SPON1: variants seen among roughly 807,000 people sequenced by gnomAD.
The protein encoded by SPON1 is spondin 1, also known as spondin-1.
In SPON1, 52 loss-of-function variants were observed where a neutral mutation model predicts 111.7. The ratio of observed to expected loss-of-function variants is 0.47; its 90% CI spans 0.37 to 0.59. SPON1 has a LOEUF of 0.59. Among genes scored for constraint, SPON1 ranks in the 20% least tolerant of loss-of-function variants. The pLI, the probability that SPON1 is intolerant of heterozygous loss-of-function variation, is 0.00. For synonymous variants in SPON1, 410 were observed against 395.8 expected, an observed-to-expected ratio of 1.04 and a Z score of -0.43; for missense variants, 957 against 1,068.5, an observed-to-expected ratio of 0.90 and a Z score of 1.46.
intron 6 of SPON1, among the ~76,000 whole-genome samples, chr11:14,186,620 A>G (rs1848288647): frequency 6.6e-6 from 1 of 152,202 alleles, no homozygotes; most frequent in South Asian, 2.1e-4. Flanking sequence ...CCATTTATCC[A>G]ACACTCACTC....
At chr11:13,974,145 C>G (rs1248800326) in intron 1 of SPON1, among the ~76,000 whole-genome samples, 5 of 152,208 alleles carry the variant, frequency 3.3e-5, no homozygotes, top group African/African-American at 4.8e-5. Context: ...ATATGAGTTG[C>G]AGCTCCTCAG....
At chr11:14,032,216 T>C (rs966946771) in intron 2 of SPON1, among the ~76,000 whole-genome samples, 1 of 152,222 alleles carries the variant, frequency 6.6e-6, no homozygotes, top group African/African-American at 2.4e-5. Flanking sequence ...GAATTACATT[T>C]TTATATGTAT....
At chr11:14,249,541 C>G (rs557922463) in intron 7 of SPON1, among the ~76,000 whole-genome samples, 1 of 152,110 alleles carries the variant, frequency 6.6e-6, no homozygotes, top group African/African-American at 2.4e-5. Context: ...CTCTCGTGGC[C>G]AAATTGAGTT....
intron 6 of SPON1, among the ~76,000 whole-genome samples, chr11:14,147,249 G>A (rs1847732337): frequency 6.6e-6 from 1 of 151,586 alleles, no homozygotes; most frequent in Non-Finnish European, 1.5e-5. Context: ...GGTCAGGCTG[G>A]TCTCAAACTC....
At chr11:14,141,397 G>A (rs1847654711) in intron 6 of SPON1, among the ~76,000 whole-genome samples, 1 of 152,160 alleles carries the variant, frequency 6.6e-6, no homozygotes, top group Admixed American at 6.5e-5. Flanking sequence ...AATGGTTCTT[G>A]CATAAAACTC....
chr11:13,985,035 T>C (rs1848171826), intron 2 of SPON1, among the ~76,000 whole-genome samples: 1 of 152,148 alleles, frequency 6.6e-6, no homozygotes, highest in Non-Finnish European at 1.5e-5. Context: ...CCTGGGAACT[T>C]GTTAGAAATG....
chr11:14,013,111 A>T (rs1364212806), intron 2 of SPON1, among the ~76,000 whole-genome samples: 1 of 152,178 alleles, frequency 6.6e-6, no homozygotes. Context: ...TGAACCTAGG[A>T]TGTTGCTTCT....
intron 7 of SPON1, among the ~76,000 whole-genome samples, chr11:14,246,981 A>G (rs188487748): frequency 5.8e-4 from 89 of 152,332 alleles, no homozygotes; most frequent in African/African-American, 2.0e-3. Context: ...AAGGCCCTGT[A>G]TGAGGAGGGA....
intron 6 of SPON1, among the ~76,000 whole-genome samples, chr11:14,188,159 C>T (rs949624822): frequency 1.3e-5 from 2 of 152,122 alleles, no homozygotes; most frequent in East Asian, 3.9e-4. Context: ...CCACCCACCT[C>T]AGTATCCCAA....
Position 14,156,472 on chromosome 11 carries a change from T to C in SPON1, c.825+20904T>C, listed in dbSNP as rs1847847711. On this transcript the variant is annotated intron_variant, in intron 6 of 15. Coordinates refer to ENST00000576479, the MANE Select transcript of SPON1 (RefSeq NM_006108.4). ...CTGTTCACTCTGATGGTAGTTTCTT[T>C]TGCTCTGCAGAAGCTCTTGAGTTTA... Among the ~76,000 whole-genome samples, 3 of 146,636 alleles carry C rather than the reference T, an allele frequency of 2.0e-5. No homozygotes were observed. In the Admixed American group the frequency reaches 2.1e-4, roughly 10 times the overall value.
At chr11:14,225,701 G>A (rs1848731391) in intron 6 of SPON1, among the ~76,000 whole-genome samples, 1 of 152,008 alleles carries the variant, frequency 6.6e-6, no homozygotes, top group South Asian at 2.1e-4. Flanking sequence ...TCGGATTATT[G>A]ATACTCTCTT....
intron 7 of SPON1, among the ~76,000 whole-genome samples, chr11:14,251,856 G>A (rs1484205954): frequency 1.3e-5 from 2 of 152,184 alleles, no homozygotes; most frequent in East Asian, 3.9e-4. Context: ...TAAAGAAGCT[G>A]CTAAAATCAC....
chr11:14,239,496 C>T (rs1288554195), intron 6 of SPON1, among the ~76,000 whole-genome samples: 12 of 152,200 alleles, frequency 7.9e-5, no homozygotes, highest in East Asian at 5.8e-4. Flanking sequence ...GAGGCCGAGG[C>T]GGGCAGATCA....
intron 5 of SPON1, 87 bp downstream of exon 5, chr11:14,080,108 C>A: frequency 6.7e-7 from 1 of 1,493,432 alleles, no homozygotes. Context: ...TGCAGCATGT[C>A]AGATCTGCTC....
intron 5 of SPON1, among the ~76,000 whole-genome samples, chr11:14,088,176 A>G (rs1204980605): frequency 2.0e-5 from 3 of 152,128 alleles, no homozygotes; most frequent in African/African-American, 7.2e-5. Context: ...TGTCATTATG[A>G]TGCTAGCTGG....
intron 15 of SPON1, among the ~76,000 whole-genome samples, chr11:14,263,235 T>A (rs1464697601): frequency 3.3e-5 from 5 of 152,140 alleles, no homozygotes; most frequent in Non-Finnish European, 7.3e-5. Flanking sequence ...CTGCCAAAAA[T>A]AAATTTTCAA....
intron 6 of SPON1, among the ~76,000 whole-genome samples, chr11:14,241,150 G>A (rs1360384635): frequency 4.6e-5 from 7 of 152,180 alleles, no homozygotes; most frequent in Non-Finnish European, 7.3e-5. Context: ...TAATATTCTG[G>A]AAACGGAGAA....
intron 6 of SPON1, among the ~76,000 whole-genome samples, chr11:14,226,392 C>T (rs1191738028): frequency 6.6e-6 from 1 of 152,120 alleles, no homozygotes; most frequent in African/African-American, 2.4e-5. Flanking sequence ...ACACAAAATA[C>T]AATATCCAAA....
intron 1 of SPON1, among the ~76,000 whole-genome samples, chr11:13,968,369 T>C (rs1848035583): frequency 6.6e-6 from 1 of 152,212 alleles, no homozygotes; most frequent in Non-Finnish European, 1.5e-5. Flanking sequence ...CTCTGCTGTG[T>C]AGTTGGTGGC....
Sources: allele counts gnomAD v4.1 joint callset (sites outside exome capture counted in the v4.1 genomes callset), GRCh38; gene constraint gnomAD v4.1.1; transcripts MANE v1.5; gene names NCBI Gene and HGNC (gene_info 2026-07-23, HGNC 2026-07-21).